Variants in GREB1L observed in about 807,000 individuals in gnomAD.
GREB1L encodes GREB1-like protein.
GREB1L carries 17 observed loss-of-function variants against 200.8 expected under a neutral mutation model. The observed-to-expected ratio is 0.08, with a 90% CI of 0.06 to 0.13. The LOEUF is 0.13. Ranked by LOEUF, GREB1L falls within the 10% of genes least tolerant of loss-of-function variation. GREB1L has a pLI of 1.00. For missense variants in GREB1L, 1,657 were observed against 2,367.7 expected (o/e 0.70, Z 6.23); for synonymous variants, 789 against 893.0 (o/e 0.88, Z 2.08).
chr18:21,521,562 A>G (rs1159866941), intron 32 of GREB1L, among the ~76,000 whole-genome samples: 1 of 152,080 alleles, frequency 6.6e-6, no homozygotes, highest in Non-Finnish European at 1.5e-5. Context: ...TTATTTATTT[A>G]GAGACTTATT....
chr18:21,320,935 AC>A (rs1177907271), intron 1 of GREB1L, among the ~76,000 whole-genome samples: 1 of 152,192 alleles, frequency 6.6e-6, no homozygotes, highest in Non-Finnish European at 1.5e-5. Context: ...CATATGGAAA[AC>A]AAGTCTGATA....
chr18:21,482,642 ATTTTTTT>A (rs35313539), intron 17 of GREB1L, among the ~76,000 whole-genome samples: 2 of 118,100 alleles, frequency 1.7e-5, no homozygotes, highest in Non-Finnish European at 3.4e-5. Flanking sequence ...TAGATTACAG[ATTTTTTT>A]TTTTTTTTTT....
At chr18:21,242,453 C>T (rs1477853955) in intron 1 of GREB1L, 60 bp downstream of exon 1, 1 of 152,318 alleles carries the variant, frequency 6.6e-6, no homozygotes, top group Admixed American at 6.5e-5. Flanking sequence ...GAACCGGGCG[C>T]GGGAGCTCGC....
chr18:21,395,273 T>G, intron 4 of GREB1L, 112 bp from the exon 5 acceptor site: 1 of 839,434 alleles, frequency 1.2e-6, no homozygotes, highest in Non-Finnish European at 1.9e-6. Flanking sequence ...GGGACTTTAA[T>G]TTAGTCTGTA....
At chr18:21,318,049 A>C (rs2038897838) in intron 1 of GREB1L, among the ~76,000 whole-genome samples, 1 of 149,332 alleles carries the variant, frequency 6.7e-6, no homozygotes, top group African/African-American at 2.5e-5. Flanking sequence ...TGGAGGTTGC[A>C]GTGAGCTGAG....
intron 28 of GREB1L, 77 bp from the exon 29 acceptor site, chr18:21,515,335 ATATAG>A (rs1460105267): frequency 1.0e-5 from 9 of 893,202 alleles, no homozygotes; most frequent in Middle Eastern, 2.1e-4. Context: ...TATTACTGGT[ATATAG>A]TAGTGTGTAG....
At chr18:21,323,461 A>G (rs1331625917) in intron 1 of GREB1L, among the ~76,000 whole-genome samples, 1 of 152,190 alleles carries the variant, frequency 6.6e-6, no homozygotes, top group African/African-American at 2.4e-5. Flanking sequence ...AAGAATATGA[A>G]CAGACATTTC....
intron 7 of GREB1L, among the ~76,000 whole-genome samples, chr18:21,433,797 C>G (rs917362648): frequency 6.6e-6 from 1 of 152,170 alleles, no homozygotes; most frequent in African/African-American, 2.4e-5. Context: ...AGAGCATGCT[C>G]TCAGACTCTC....
chr18:21,484,330 A>G (rs1406271626), intron 17 of GREB1L, among the ~76,000 whole-genome samples: 1 of 144,958 alleles, frequency 6.9e-6, no homozygotes, highest in Non-Finnish European at 1.5e-5. Context: ...ACCCGCCACC[A>G]CGCCTGGCTA....
intron 1 of GREB1L, among the ~76,000 whole-genome samples, chr18:21,283,598 C>T (rs76031279): frequency 0.015 from 2,343 of 152,298 alleles, 25 homozygotes; most frequent in Non-Finnish European, 0.024. Flanking sequence ...TAGATCACTA[C>T]TTGGCCAAGT....
At chr18:21,427,549 A>G (rs750327329) in intron 7 of GREB1L, among the ~76,000 whole-genome samples, 3 of 152,220 alleles carry the variant, frequency 2.0e-5, no homozygotes, top group Non-Finnish European at 2.9e-5. Flanking sequence ...TGTAGTTTTC[A>G]TAGTATAAGT....
chr18:21,272,539 T>C (rs2038095236), intron 1 of GREB1L, among the ~76,000 whole-genome samples: 1 of 152,268 alleles, frequency 6.6e-6, no homozygotes, highest in Admixed American at 6.5e-5. Context: ...AATTTTTTGA[T>C]ATTTCTTAAA....
intron 2 of GREB1L, among the ~76,000 whole-genome samples, chr18:21,371,514 G>A (rs1441401904): frequency 1.3e-5 from 2 of 149,386 alleles, no homozygotes; most frequent in African/African-American, 4.9e-5. Context: ...CTGGCCAGGT[G>A]CGGTGGCTCA....
chr18:21,450,393 T>C (rs918256383), intron 12 of GREB1L, among the ~76,000 whole-genome samples: 2 of 152,174 alleles, frequency 1.3e-5, no homozygotes, highest in African/African-American at 4.8e-5. Flanking sequence ...TACATTTTGC[T>C]TCTCTCTTCT....
At chr18:21,407,728 A>G (rs2030434249) in intron 7 of GREB1L, among the ~76,000 whole-genome samples, 1 of 152,218 alleles carries the variant, frequency 6.6e-6, no homozygotes, top group African/African-American at 2.4e-5. Context: ...TTACACTTCA[A>G]AATTTTAAGG....
intron 1 of GREB1L, among the ~76,000 whole-genome samples, chr18:21,343,200 T>C (rs767026747): frequency 6.6e-6 from 1 of 152,172 alleles, no homozygotes; most frequent in Admixed American, 6.5e-5. Context: ...TATATTCTTC[T>C]AGCTTTCTTT....
intron 1 of GREB1L, among the ~76,000 whole-genome samples, chr18:21,261,082 C>A (rs1342732915): frequency 6.6e-6 from 1 of 151,934 alleles, no homozygotes; most frequent in Non-Finnish European, 1.5e-5. Context: ...ATAATTAAAT[C>A]TGAGCTGTGA....
chr18:21,308,549 C>T (rs1024015343), intron 1 of GREB1L, among the ~76,000 whole-genome samples: 1 of 152,304 alleles, frequency 6.6e-6, no homozygotes, highest in African/African-American at 2.4e-5. Flanking sequence ...ATTGGGAGAA[C>T]GTGGAGGGAT....
chr18:21,455,732 T>A (rs1359256116), intron 15 of GREB1L, among the ~76,000 whole-genome samples: 1 of 150,706 alleles, frequency 6.6e-6, no homozygotes, highest in African/African-American at 2.4e-5. Context: ...TAAAAACAGG[T>A]AGGAAGCAGA....
Sources: gnomAD v4.1 joint callset for allele counts (sites outside exome capture counted in the v4.1 genomes callset) on GRCh38, gnomAD v4.1.1 for gene constraint, MANE v1.5 for transcripts, NCBI Gene and HGNC (gene_info 2026-07-23, HGNC 2026-07-21) for gene names.